Variants in PDS5A observed in about 807,000 individuals in gnomAD.
The protein encoded by PDS5A is PDS5 cohesin associated factor A.
PDS5A carries 42 observed loss-of-function variants against 167.1 expected under a neutral mutation model. The ratio of observed to expected loss-of-function variants is 0.25; its 90% CI spans 0.20 to 0.33. The LOEUF is 0.33. Ranked by LOEUF, PDS5A falls within the 10% of genes least tolerant of loss-of-function variation. The pLI, the probability that PDS5A is intolerant of heterozygous loss-of-function variation, is 1.00. For missense variants in PDS5A, 1,033 were observed against 1,605.9 expected, an observed-to-expected ratio of 0.64 and a Z score of 6.10; for synonymous variants, 553 against 554.6, an observed-to-expected ratio of 1.00 and a Z score of 0.04.
intron 2 of PDS5A, among the ~76,000 whole-genome samples, chr4:39,935,745 A>T (rs1726534578): frequency 6.6e-6 from 1 of 152,226 alleles, no homozygotes; most frequent in Non-Finnish European, 1.5e-5. Flanking sequence ...AAAAGATCTG[A>T]ACAGACTTAA....
At chr4:39,838,830 A>G (rs1266471250) in intron 31 of PDS5A, among the ~76,000 whole-genome samples, 4 of 151,086 alleles carry the variant, frequency 2.6e-5, no homozygotes, top group East Asian at 2.0e-4. Flanking sequence ...GACCAGCCTG[A>G]CCAACATGGA....
At chr4:39,922,511 G>A (rs573811776) in intron 6 of PDS5A, 111 bp downstream of exon 6, 26 of 884,978 alleles carry the variant, frequency 2.9e-5, no homozygotes, top group African/African-American at 2.4e-4. Context: ...GGTGGAGAAC[G>A]GTCATGAGAA....
intron 8 of PDS5A, 51 bp downstream of exon 8, chr4:39,916,997 C>G: frequency 8.6e-7 from 1 of 1,156,870 alleles, no homozygotes. Flanking sequence ...ATTGTGCCTG[C>G]TCTAGAAACA....
intron 2 of PDS5A, among the ~76,000 whole-genome samples, chr4:39,968,262 T>C (rs1030844598): frequency 6.6e-6 from 1 of 151,788 alleles, no homozygotes; most frequent in Admixed American, 6.6e-5. Context: ...GACCTATAAG[T>C]GTATTTTAAA....
chr4:39,911,012 T>TA (rs1442639990), intron 9 of PDS5A, among the ~76,000 whole-genome samples: 6 of 152,028 alleles, frequency 3.9e-5, no homozygotes, highest in African/African-American at 1.4e-4. Context: ...CATTCCCCTG[T>TA]AGTCCCAGCT....
At chr4:39,951,898 C>CAAAAAAAAAAAAAAAAAAAAAAAAAA (rs1161911794) in intron 2 of PDS5A, among the ~76,000 whole-genome samples, 1 of 68,802 alleles carries the variant, frequency 1.5e-5, no homozygotes, top group African/African-American at 6.3e-5. Flanking sequence ...GAGTCTGTCT[C>CAAAAAAAAAAAAAAAAAAAAAAAAAA]AAAAAAAAAA....
At chr4:39,975,505 T>C (rs1359892882) in intron 2 of PDS5A, among the ~76,000 whole-genome samples, 1 of 152,224 alleles carries the variant, frequency 6.6e-6, no homozygotes, top group Non-Finnish European at 1.5e-5. Flanking sequence ...TTCTGATTGA[T>C]TCTAACTCTG....
intron 2 of PDS5A, chr4:39,972,996 T>C (rs1348878766): frequency 2.5e-6 from 1 of 395,196 alleles, no homozygotes; most frequent in Non-Finnish European, 4.7e-6. Context: ...CGGTACATAA[T>C]GTTCAAAGTT....
rs576844604 is a variant in PDS5A at position 39,824,057 on chromosome 4, A to G, written c.*1428T>C. 9.8e-5 allele frequency: 15 copies of G among 152,340 alleles called. No homozygotes were observed. Among genetic ancestry groups the G allele is most frequent in the African/African-American group, 3.1e-4 (13 of 41,574 alleles). The allele number at this position is 152,340 out of a possible 1,614,324, so 9.4% of individuals were successfully genotyped here. On this transcript the variant is annotated 3_prime_UTR_variant, in exon 33 of 33. Transcript: ENST00000303538. Reference sequence around the variant, plus strand: ...GGAAATGGAGTGAGCACATTCTGCTAGGGCTTTGCGGATGACCCTACAGTG... The same window carrying G: ...GGAAATGGAGTGAGCACATTCTGCTGGGGCTTTGCGGATGACCCTACAGTG...
At chr4:39,895,216 AAAAAAAG>A (rs895024991) in intron 16 of PDS5A, among the ~76,000 whole-genome samples, 1 of 149,426 alleles carries the variant, frequency 6.7e-6, no homozygotes, top group African/African-American at 2.5e-5. Context: ...AAAAAAAAAA[AAAAAAAG>A]AGAAATGTGT....
intron 29 of PDS5A, among the ~76,000 whole-genome samples, chr4:39,845,133 A>G (rs1717475937): frequency 6.6e-6 from 1 of 152,124 alleles, no homozygotes; most frequent in Non-Finnish European, 1.5e-5. Flanking sequence ...GCCTGAACCC[A>G]GGAGGTGAAG....
chr4:39,902,521 A>G (rs898243757), intron 12 of PDS5A, 61 bp from the exon 13 acceptor site: 11 of 816,166 alleles, frequency 1.3e-5, no homozygotes, highest in African/African-American at 1.2e-4. Context: ...TTTAAGAAGC[A>G]ATTTTTTTTT....
intron 2 of PDS5A, 106 bp downstream of exon 2, chr4:39,976,334 G>A: frequency 1.2e-6 from 1 of 827,274 alleles, no homozygotes. Context: ...GAGGGGGTAA[G>A]AGATCTAAAA....
rs1256398137 is a variant in PDS5A, at chr4:39,902,375, A to G, written c.1471T>C (p.Tyr491His). 1.3e-6 allele frequency: 2 copies of G among 1,565,724 alleles called. No homozygotes were observed. The highest frequency in any genetic ancestry group is 1.8e-6 in the Non-Finnish European group (2 of 1,141,178). ...ACAGCATTTGGATCCAAACTAGCAT[A>G]TAAGTAATATAAGCATTTCATTCTC... Reference protein sequence around the residue: ...EERMKCLYYLYASLDPNAVKA... With the variant: ...EERMKCLYYLHASLDPNAVKA... The change falls in exon 13 of 33, where the codon TAT (tyrosine) becomes CAT (histidine). Residue 491 changes from tyrosine (Y) to histidine (H), a missense_variant. Tyr to His is a moderately conservative substitution (Grantham distance 83). Transcript: ENST00000303538.
intron 22 of PDS5A, chr4:39,868,681 G>C (rs1445543856): frequency 2.2e-6 from 1 of 448,058 alleles, no homozygotes; most frequent in Non-Finnish European, 4.5e-6. Flanking sequence ...ATGCTGCCCA[G>C]GTTGGTCTTG....
chr4:39,907,590 CTT>C (rs71194936), intron 11 of PDS5A, among the ~76,000 whole-genome samples: 10 of 141,702 alleles, frequency 7.1e-5, no homozygotes, highest in Admixed American at 1.4e-4. Context: ...CTTTTCTTTT[CTT>C]TTTTTTTTTT....
intron 26 of PDS5A, among the ~76,000 whole-genome samples, chr4:39,855,537 G>C (rs1718462494): frequency 6.6e-6 from 1 of 152,102 alleles, no homozygotes. Flanking sequence ...AGAGTTACTA[G>C]TCAAAGACAT....
In PDS5A at chr4:39,862,297, G is replaced by A; in HGVS notation, c.3008C>T (p.Pro1003Leu). Residue 1003 changes from proline to leucine, a missense_variant, in exon 26 of 33, where the codon CCA becomes CTA. Coordinates refer to ENST00000303538, the MANE Select transcript of PDS5A (RefSeq NM_001100399.2). Reference sequence around the variant, plus strand: ...ATGGGCTAGCAGGTGAATCATGTATGGAACTACATATTCAGGCAACAGTGA... The same window carrying A: ...ATGGGCTAGCAGGTGAATCATGTATAGAACTACATATTCAGGCAACAGTGA... Reference protein sequence around the residue: ...LLSLLPEYVVPYMIHLLAHDP... With the variant: ...LLSLLPEYVVLYMIHLLAHDP... 1.3e-6 allele frequency: 2 copies of A among 1,526,290 alleles called. No individual in the cohort carries two copies. Among genetic ancestry groups the A allele is most frequent in the Non-Finnish European group, 1.8e-6 (2 of 1,124,608 alleles). The allele number at this position is 1,526,290 out of a possible 1,614,324, so 94.5% of individuals were successfully genotyped here.
chr4:39,836,989 C>CTT (rs71194932), intron 32 of PDS5A: 3,036 of 98,322 alleles, frequency 0.031, 112 homozygotes, highest in East Asian at 0.17. Flanking sequence ...TTTGCATTTC[C>CTT]TTTTTTTTTT....
Sources: allele counts gnomAD v4.1 joint callset (sites outside exome capture counted in the v4.1 genomes callset), GRCh38; gene constraint gnomAD v4.1.1; transcripts MANE v1.5; gene names NCBI Gene and HGNC (gene_info 2026-07-23, HGNC 2026-07-21).